LDB2: variants seen among roughly 807,000 people sequenced by gnomAD.
The protein encoded by LDB2 is LIM domain binding 2.
LDB2 carries 12 observed loss-of-function variants against 44.3 expected under a neutral mutation model. That is an observed-to-expected ratio of 0.27 (90% CI 0.17 to 0.44). The LOEUF (loss-of-function observed/expected upper bound fraction) is 0.44. Ranked by LOEUF, LDB2 falls within the 20% of genes least tolerant of loss-of-function variation. The probability of loss-of-function intolerance (pLI) is 1.00; values close to 1 mark genes in which losing one functional copy is unlikely to be tolerated. For synonymous variants in LDB2, 164 were observed against 174.8 expected, an observed-to-expected ratio of 0.94 and a Z score of 0.49; for missense variants, 344 against 473.5, an observed-to-expected ratio of 0.73 and a Z score of 2.54.
At chr4:16,833,493 C>T (rs1212567564) in intron 1 of LDB2, among the ~76,000 whole-genome samples, 1 of 151,324 alleles carries the variant, frequency 6.6e-6, no homozygotes, top group Admixed American at 6.6e-5. Context: ...TCCTTTCACA[C>T]TAACAATATG....
intron 2 of LDB2, among the ~76,000 whole-genome samples, chr4:16,601,546 G>A (rs1209475668): frequency 6.6e-6 from 1 of 152,092 alleles, no homozygotes; most frequent in Non-Finnish European, 1.5e-5. Context: ...TCTGAAAAGA[G>A]AGAACTATAT....
At chr4:16,539,051 G>A (rs1411974857) in intron 5 of LDB2, among the ~76,000 whole-genome samples, 1 of 152,124 alleles carries the variant, frequency 6.6e-6, no homozygotes, top group African/African-American at 2.4e-5. Flanking sequence ...AGCTAATCAG[G>A]GAGACAGATG....
At chr4:16,790,571 T>A (rs1188487460) in intron 1 of LDB2, among the ~76,000 whole-genome samples, 1 of 152,178 alleles carries the variant, frequency 6.6e-6, no homozygotes, top group African/African-American at 2.4e-5. Flanking sequence ...TCCATGACGT[T>A]TGCATAACAA....
intron 5 of LDB2, among the ~76,000 whole-genome samples, chr4:16,544,960 C>A (rs984731736): frequency 6.6e-6 from 1 of 151,932 alleles, no homozygotes; most frequent in African/African-American, 2.4e-5. Flanking sequence ...ATGTGTGCGC[C>A]GAATCCTGAG....
intron 2 of LDB2, among the ~76,000 whole-genome samples, chr4:16,605,608 T>C (rs999131926): frequency 1.3e-5 from 2 of 152,250 alleles, no homozygotes; most frequent in African/African-American, 4.8e-5. Context: ...TGCTGTCTTA[T>C]GACAGAGTTG....
chr4:16,806,933 C>T lies in LDB2; in HGVS notation c.133-47673G>A, dbSNP rs1054408209. On this transcript the variant is annotated intron_variant, in intron 1 of 7. Coordinates refer to ENST00000304523, the MANE Select transcript of LDB2 (RefSeq NM_001290.5). ...GTTTGGAAAATCAAGTGAGATAATA[C>T]ACAAAAAGGACTTAGAAAAATGCTA... 4.5e-4 allele frequency among the ~76,000 whole-genome samples: 68 copies of T among 152,236 alleles called. 2 individuals carry two copies. The highest frequency in any genetic ancestry group is 2.6e-3 in the Admixed American group (40 of 15,290).
intron 2 of LDB2, among the ~76,000 whole-genome samples, chr4:16,639,915 C>T (rs1239765746): frequency 6.6e-6 from 1 of 152,240 alleles, no homozygotes; most frequent in African/African-American, 2.4e-5. Context: ...TTGTGCAAAA[C>T]ACCTGCAGGA....
At chr4:16,669,826 A>C (rs963365590) in intron 2 of LDB2, among the ~76,000 whole-genome samples, 27 of 152,118 alleles carry the variant, frequency 1.8e-4, no homozygotes, top group African/African-American at 6.3e-4. Flanking sequence ...CTCTTTCCCA[A>C]ATTTTTGTCA....
At chr4:16,746,282 T>C (rs1044124418) in intron 2 of LDB2, among the ~76,000 whole-genome samples, 2 of 152,242 alleles carry the variant, frequency 1.3e-5, no homozygotes, top group East Asian at 3.8e-4. Context: ...TTATTGAACA[T>C]ATTTGAAAAA....
intron 2 of LDB2, among the ~76,000 whole-genome samples, chr4:16,645,594 A>G (rs1176755419): frequency 6.6e-6 from 1 of 152,096 alleles, no homozygotes; most frequent in African/African-American, 2.4e-5. Context: ...AAATATAAGC[A>G]AGACTGACAG....
intron 1 of LDB2, among the ~76,000 whole-genome samples, chr4:16,886,056 T>TC (rs1384831934): frequency 6.7e-6 from 1 of 149,980 alleles, no homozygotes; most frequent in Non-Finnish European, 1.5e-5. Context: ...TCTCTACAAT[T>TC]TTTTTTTTTT....
Position 16,547,583 on chromosome 4 carries a change from C to T in LDB2, c.616-35479G>A, listed in dbSNP as rs540920920. On this transcript the variant is annotated intron_variant, in intron 5 of 7. Transcript: ENST00000304523. The stretch of plus-strand genomic sequence containing the variant: ...CAAGACACACATCCAGCCTAGGGCT[C>T]CTGCCTGCTCCTTATTGATTCAGCT... Among the ~76,000 whole-genome samples, 9 of 152,248 alleles carry T rather than the reference C, an allele frequency of 5.9e-5. No homozygotes were observed. The South Asian group carries it at 8.3e-4, about 14-fold the overall frequency.
intron 5 of LDB2, among the ~76,000 whole-genome samples, chr4:16,532,429 A>G (rs1445194272): frequency 1.3e-5 from 2 of 152,224 alleles, no homozygotes; most frequent in African/African-American, 4.8e-5. Context: ...CCTTTAACCA[A>G]TGAACTGTGG....
At chr4:16,662,735 C>G (rs1486477907) in intron 2 of LDB2, among the ~76,000 whole-genome samples, 1 of 152,008 alleles carries the variant, frequency 6.6e-6, no homozygotes, top group Non-Finnish European at 1.5e-5. Flanking sequence ...TGCTCTCTTG[C>G]CTGTTGCCAT....
At chr4:16,705,066 TA>T (rs1316789055) in intron 2 of LDB2, among the ~76,000 whole-genome samples, 1 of 152,210 alleles carries the variant, frequency 6.6e-6, no homozygotes, top group Non-Finnish European at 1.5e-5. Context: ...CTAATAAGAA[TA>T]AAATGATTTC....
Position 16,779,201 on chromosome 4 carries a change from G to T in LDB2, c.133-19941C>A, listed in dbSNP as rs376322967. On this transcript the variant is annotated intron_variant, in intron 1 of 7. Coordinates refer to ENST00000304523, the MANE Select transcript of LDB2 (RefSeq NM_001290.5). The stretch of plus-strand genomic sequence containing the variant: ...ATTTGAACTTGTGCCACCACCACTG[G>T]CAGGACGCCTCACCGCTGCTCAGAT... Among the ~76,000 whole-genome samples the T allele has an allele frequency of 2.6e-5, 4 of 152,184 alleles. No individual in the cohort carries two copies. In the East Asian group the frequency reaches 7.7e-4, roughly 29 times the overall value.
chr4:16,595,312 G>A (rs969508174), intron 3 of LDB2, among the ~76,000 whole-genome samples: 6 of 152,084 alleles, frequency 3.9e-5, no homozygotes, highest in Admixed American at 3.9e-4. Flanking sequence ...TTTGAATCCA[G>A]CTCTAAAAAG....
chr4:16,729,197 A>G (rs2152694166), intron 2 of LDB2, among the ~76,000 whole-genome samples: 1 of 152,176 alleles, frequency 6.6e-6, no homozygotes, highest in East Asian at 1.9e-4. Flanking sequence ...AAACTTCATC[A>G]TTTTTCACTT....
chr4:16,897,297 T>C (rs1725294959), intron 1 of LDB2, among the ~76,000 whole-genome samples: 1 of 152,174 alleles, frequency 6.6e-6, no homozygotes, highest in Non-Finnish European at 1.5e-5. Flanking sequence ...TCTTGTGGTA[T>C]TTATACTCTG....
Sources: gnomAD v4.1 joint callset for allele counts (sites outside exome capture counted in the v4.1 genomes callset) on GRCh38, gnomAD v4.1.1 for gene constraint, MANE v1.5 for transcripts, NCBI Gene and HGNC (gene_info 2026-07-23, HGNC 2026-07-21) for gene names.